TECRL: variants seen among roughly 807,000 people sequenced by gnomAD.
The protein encoded by TECRL is trans-2,3-enoyl-CoA reductase-like.
In TECRL, 63 loss-of-function variants were observed where a neutral mutation model predicts 52.8. The ratio of observed to expected loss-of-function variants is 1.19; its 90% CI spans 0.97 to 1.47. The LOEUF is 1.47. Among genes scored for constraint, TECRL ranks in the 40% most tolerant of loss-of-function variants. The probability of loss-of-function intolerance (pLI) is 0.00; values close to 1 mark genes in which losing one functional copy is unlikely to be tolerated. For synonymous variants in TECRL, 164 were observed against 141.9 expected, an observed-to-expected ratio of 1.16 and a Z score of -1.10; for missense variants, 482 against 429.6, an observed-to-expected ratio of 1.12 and a Z score of -1.08.
chr4:64,342,484 A>G (rs555532531), intron 2 of TECRL, among the ~76,000 whole-genome samples: 335 of 151,732 alleles, frequency 2.2e-3, no homozygotes, highest in African/African-American at 7.8e-3. Context: ...TATATATACC[A>G]TGATTTTAGT....
At chr4:64,356,610 CAT>C (rs1720791218) in intron 2 of TECRL, among the ~76,000 whole-genome samples, 2 of 152,170 alleles carry the variant, frequency 1.3e-5, no homozygotes, top group Non-Finnish European at 2.9e-5. Context: ...CCTTTGCTCA[CAT>C]GCTTTCTCGC....
chr4:64,372,172 TA>T (rs1722022444), intron 2 of TECRL, among the ~76,000 whole-genome samples: 1 of 151,756 alleles, frequency 6.6e-6, no homozygotes, highest in Non-Finnish European at 1.5e-5. Flanking sequence ...TTAAGCTCTC[TA>T]GAAGAGACTT....
intron 1 of TECRL, among the ~76,000 whole-genome samples, chr4:64,403,090 G>A (rs1355455006): frequency 6.6e-6 from 1 of 151,856 alleles, no homozygotes; most frequent in African/African-American, 2.4e-5. Context: ...TATCTCTCTG[G>A]TACATTCTCC....
intron 1 of TECRL, among the ~76,000 whole-genome samples, chr4:64,383,172 C>G (rs976204655): frequency 6.6e-6 from 1 of 152,002 alleles, no homozygotes; most frequent in African/African-American, 2.4e-5. Context: ...TGACTTGATG[C>G]TTTTCTCTTG....
chr4:64,375,893 A>G (rs1722364979), intron 1 of TECRL, among the ~76,000 whole-genome samples: 2 of 151,938 alleles, frequency 1.3e-5, no homozygotes, highest in South Asian at 4.1e-4. Context: ...AGTTCCATGC[A>G]AATACTTCAA....
At chr4:64,379,459 CT>C (rs1722629834) in intron 1 of TECRL, among the ~76,000 whole-genome samples, 1 of 152,112 alleles carries the variant, frequency 6.6e-6, no homozygotes, top group South Asian at 2.1e-4. Flanking sequence ...ACCTTAAACA[CT>C]TACCATTTAT....
chr4:64,326,647 G>A (rs925369996), intron 3 of TECRL, among the ~76,000 whole-genome samples: 1 of 152,076 alleles, frequency 6.6e-6, no homozygotes, highest in African/African-American at 2.4e-5. Flanking sequence ...TGAAAGTTGT[G>A]GTTATTGTAG....
downstream of TECRL, among the ~76,000 whole-genome samples, chr4:64,277,364 A>C (rs966281346): frequency 1.3e-5 from 2 of 151,976 alleles, no homozygotes; most frequent in African/African-American, 4.8e-5. Flanking sequence ...GTAGTTGATC[A>C]TATAGCTGCA....
At position 64,320,517 on chromosome 4, in the gene TECRL, G is replaced by T. The variant is rs77754440; in HGVS notation, c.435+2172C>A. Reference sequence around the variant, plus strand: ...TGATGTAGAAATATCCAGCCTATTTGCAGAGTTCTCTTTGTCACATAGATG... The same window carrying T: ...TGATGTAGAAATATCCAGCCTATTTTCAGAGTTCTCTTTGTCACATAGATG... On this transcript the variant is annotated intron_variant, in intron 4 of 11. Transcript: ENST00000381210. 2.4e-3 allele frequency among the ~76,000 whole-genome samples: 365 copies of T among 152,088 alleles called. 10 individuals carry two copies. The East Asian group carries it at 0.056, about 23-fold the overall frequency.
chr4:64,369,436 C>A (rs909448660), intron 2 of TECRL, among the ~76,000 whole-genome samples: 2 of 152,012 alleles, frequency 1.3e-5, no homozygotes, highest in African/African-American at 4.8e-5. Context: ...TGTTATTATT[C>A]ATTACATAAT....
intron 2 of TECRL, among the ~76,000 whole-genome samples, chr4:64,346,980 G>A (rs182190093): frequency 1.4e-4 from 21 of 152,270 alleles, no homozygotes; most frequent in Admixed American, 9.8e-4. Flanking sequence ...GTGTGCCTAC[G>A]TCTGTACAGT....
At position 64,376,974 on chromosome 4, in the gene TECRL, G is replaced by A. The variant is rs538265435; in HGVS notation, c.235-1751C>T. 2.0e-5 allele frequency among the ~76,000 whole-genome samples: 3 copies of A among 152,104 alleles called. No individual in the cohort carries two copies. In the South Asian group the frequency reaches 6.2e-4, roughly 31 times the overall value. On this transcript the variant is annotated intron_variant, in intron 1 of 11. Coordinates refer to ENST00000381210, the MANE Select transcript of TECRL (RefSeq NM_001010874.5). ...GAGTAAGATCAAAGTTTCTTAATCT[G>A]ATATGCAAAAGCTGTATGCCATTCT...
intron 8 of TECRL, among the ~76,000 whole-genome samples, chr4:64,293,770 C>T (rs567676761): frequency 1.3e-5 from 2 of 151,900 alleles, no homozygotes; most frequent in South Asian, 4.2e-4. Context: ...AATTGGTAGC[C>T]ATCAATTAGT....
intron 3 of TECRL, 52 bp downstream of exon 3, chr4:64,328,459 AT>A: frequency 6.7e-7 from 1 of 1,488,886 alleles, no homozygotes; most frequent in Non-Finnish European, 9.3e-7. Flanking sequence ...GCTTTTGAAA[AT>A]AGAAAAGGGA....
At position 64,280,147 on chromosome 4, in the gene TECRL, CT is replaced by C; in HGVS notation, c.1016del (p.Lys339ArgfsTer7). The C allele has an allele frequency of 6.2e-7, 1 of 1,601,454 alleles. No homozygotes were observed. The highest frequency in any genetic ancestry group is 8.5e-7 in the Non-Finnish European group (1 of 1,174,472). The part of the protein sequence containing the change: ...MSIQMSLWAQ[K>X]KHKIYLRKFN... The stretch of plus-strand genomic sequence containing the variant: ...ATTTTCTCAGATAAATCTTATGTTT[CT>C]TTTGTGCCCACAAAGACATCTGGAT... On this transcript the variant is annotated frameshift_variant, in exon 12 of 12. Coordinates refer to ENST00000381210, the MANE Select transcript of TECRL (RefSeq NM_001010874.5). LOFTEE classifies it high-confidence loss of function.
At position 64,281,081 on chromosome 4, in the gene TECRL, T is replaced by C. The variant is rs1321504308; in HGVS notation, c.924A>G (p.Gly308=). ...VSCPNYTYEI[G]SWISFTVMTQ... is the part of the protein sequence containing the mutation. ...TCATGACTGTGAAACTAATCCATGATCCAATCTGTTATATTAAAACTTAAA... is the reference window on the plus strand; with the variant it reads ...TCATGACTGTGAAACTAATCCATGACCCAATCTGTTATATTAAAACTTAAA... Residue 308 remains glycine, a synonymous_variant, in exon 11 of 12, where the codon GGA becomes GGG. Coordinates refer to ENST00000381210, the MANE Select transcript of TECRL (RefSeq NM_001010874.5). 3.1e-6 allele frequency: 5 copies of C among 1,601,164 alleles called. No individual in the cohort carries two copies. Among genetic ancestry groups the C allele is most frequent in the Admixed American group, 3.4e-5 (2 of 59,366 alleles).
intron 9 of TECRL, among the ~76,000 whole-genome samples, chr4:64,287,894 C>A (rs1723160770): frequency 6.6e-6 from 1 of 152,094 alleles, no homozygotes; most frequent in Non-Finnish European, 1.5e-5. Context: ...TGTCTGTAAT[C>A]CCAGCACTTT....
At chr4:64,397,916 G>GTGTGTA (rs1330384673) in intron 1 of TECRL, 1 of 151,950 alleles carries the variant, frequency 6.6e-6, no homozygotes, top group East Asian at 1.9e-4. Flanking sequence ...GTGTGTGTGT[G>GTGTGTA]TGTATTTCTG....
chr4:64,317,548 A>G (rs997613721), intron 4 of TECRL, among the ~76,000 whole-genome samples: 16 of 152,204 alleles, frequency 1.1e-4, no homozygotes, highest in African/African-American at 3.9e-4. Flanking sequence ...AATCTCCTGA[A>G]GATAAGGGTG....
Sources: gnomAD v4.1 joint callset for allele counts (sites outside exome capture counted in the v4.1 genomes callset) on GRCh38, gnomAD v4.1.1 for gene constraint, MANE v1.5 for transcripts, NCBI Gene and HGNC (gene_info 2026-07-23, HGNC 2026-07-21) for gene names.